GPHN: variants seen among roughly 807,000 people sequenced by gnomAD.
The protein encoded by GPHN is gephyrin.
In GPHN, 17 loss-of-function variants were observed where a neutral mutation model predicts 95.5. That is an observed-to-expected ratio of 0.18 (90% CI 0.12 to 0.27). The LOEUF (loss-of-function observed/expected upper bound fraction) is 0.27, where lower values mean the gene tolerates loss of function less well. GPHN is among the 10% of genes least tolerant of loss of function. The probability of loss-of-function intolerance (pLI) is 1.00; values close to 1 mark genes in which losing one functional copy is unlikely to be tolerated. For synonymous variants in GPHN, 320 were observed against 322.5 expected, an observed-to-expected ratio of 0.99 and a Z score of 0.08; for missense variants, 660 against 978.1, an observed-to-expected ratio of 0.67 and a Z score of 4.34.
At chr14:67,708,987 T>C in the GPHN span, among the ~76,000 whole-genome samples, 27 of 152,252 alleles carry the variant, frequency 1.8e-4, no homozygotes, top group African/African-American at 5.5e-4. Context: ...AAGATGGGGT[T>C]TCACCACGTT....
intron 5 of GPHN, among the ~76,000 whole-genome samples, chr14:66,882,830 G>A (rs1473581949): frequency 6.6e-6 from 1 of 150,534 alleles, no homozygotes; most frequent in African/African-American, 2.4e-5. Flanking sequence ...CAGAAATCTG[G>A]GTTGACTGTT....
chr14:66,877,012 C>T (rs1353463404), intron 4 of GPHN, among the ~76,000 whole-genome samples: 1 of 152,084 alleles, frequency 6.6e-6, no homozygotes, highest in Non-Finnish European at 1.5e-5. Context: ...AAACCAAATC[C>T]AGCAGCACAT....
At chr14:67,714,301 AT>A in the GPHN span, among the ~76,000 whole-genome samples, 6 of 150,108 alleles carry the variant, frequency 4.0e-5, no homozygotes, top group African/African-American at 1.5e-4. Flanking sequence ...TGGCCAGCTA[AT>A]TTTTTTTTCA....
intron 14 of GPHN, 30 bp downstream of exon 14, chr14:67,110,289 T>A: frequency 6.2e-7 from 1 of 1,611,554 alleles, no homozygotes; most frequent in Non-Finnish European, 8.5e-7. Context: ...TACTGTGCTG[T>A]TGTTCCTATG....
chr14:67,224,064 T>C, the GPHN span: 18 of 880,796 alleles, frequency 2.0e-5, no homozygotes, highest in African/African-American at 2.4e-4. Context: ...GCAATGCTAG[T>C]TAGGGACCAT....
intron 8 of GPHN, among the ~76,000 whole-genome samples, chr14:66,927,531 A>G (rs117358129): frequency 6.6e-6 from 1 of 152,132 alleles, no homozygotes; most frequent in Non-Finnish European, 1.5e-5. Flanking sequence ...TGCTGTTTAT[A>G]TCTTTCTGTT....
the GPHN span, among the ~76,000 whole-genome samples, chr14:67,290,640 T>C: frequency 6.6e-6 from 1 of 151,936 alleles, no homozygotes; most frequent in Non-Finnish European, 1.5e-5. Context: ...TCAAGCAATC[T>C]GTTCACCTCA....
At chr14:66,997,326 A>G (rs1048753539) in intron 9 of GPHN, among the ~76,000 whole-genome samples, 15 of 150,720 alleles carry the variant, frequency 1.0e-4, no homozygotes, top group Admixed American at 4.0e-4. Context: ...AAGATCGTGC[A>G]ATTGCACTCT....
chr14:67,243,585 C>T, the GPHN span, among the ~76,000 whole-genome samples: 2 of 150,128 alleles, frequency 1.3e-5, no homozygotes, highest in African/African-American at 2.5e-5. Flanking sequence ...CTCTGCCTCC[C>T]GGGTTCACGC....
intron 3 of GPHN, among the ~76,000 whole-genome samples, chr14:66,793,588 C>T (rs2060050239): frequency 6.6e-6 from 1 of 151,788 alleles, no homozygotes; most frequent in South Asian, 2.1e-4. Context: ...TGTGCATATA[C>T]ATATATATAT....
chr14:67,101,554 T>C (rs1043819273), intron 13 of GPHN, among the ~76,000 whole-genome samples: 2 of 151,484 alleles, frequency 1.3e-5, no homozygotes, highest in Admixed American at 1.3e-4. Context: ...GGTCTTCCTT[T>C]TAAATAAGTA....
intron 6 of GPHN, 111 bp downstream of exon 6, chr14:66,916,180 C>G: frequency 1.4e-6 from 1 of 728,396 alleles, no homozygotes; most frequent in Middle Eastern, 2.3e-4. Flanking sequence ...ACATCTGATA[C>G]CAATTGCAGG....
intron 17 of GPHN, among the ~76,000 whole-genome samples, chr14:67,123,113 T>C (rs985150267): frequency 6.6e-6 from 1 of 152,194 alleles, no homozygotes; most frequent in Admixed American, 6.5e-5. Context: ...AATACTCAAA[T>C]ATCAACCCAA....
intron 17 of GPHN, among the ~76,000 whole-genome samples, chr14:67,127,506 T>C (rs542253094): frequency 1.3e-5 from 2 of 152,316 alleles, no homozygotes; most frequent in South Asian, 4.1e-4. Flanking sequence ...GAAGTATTGA[T>C]TGTGTACCTG....
chr14:67,515,307 TC>T, the GPHN span: 1 of 153,446 alleles, frequency 6.5e-6, no homozygotes, highest in African/African-American at 2.4e-5. Context: ...CGCCTGGCAC[TC>T]CCGCGCCGCG....
intron 1 of GPHN, among the ~76,000 whole-genome samples, chr14:66,599,225 A>G (rs1330844584): frequency 6.6e-6 from 1 of 152,064 alleles, no homozygotes; most frequent in Non-Finnish European, 1.5e-5. Context: ...AGAGTAGGAA[A>G]CACGCATTTT....
intron 2 of GPHN, among the ~76,000 whole-genome samples, chr14:66,684,781 A>G (rs1344535385): frequency 1.3e-5 from 2 of 151,652 alleles, no homozygotes; most frequent in Non-Finnish European, 2.9e-5. Flanking sequence ...TTTAAGTTCT[A>G]GGGTGCATGT....
At chr14:66,944,863 C>T (rs1000946581) in intron 8 of GPHN, among the ~76,000 whole-genome samples, 1 of 152,232 alleles carries the variant, frequency 6.6e-6, no homozygotes, top group East Asian at 1.9e-4. Context: ...CCATTAGGCA[C>T]CCTTGGGCCA....
At chr14:66,533,089 A>T (rs1237776027) in intron 1 of GPHN, among the ~76,000 whole-genome samples, 1 of 152,202 alleles carries the variant, frequency 6.6e-6, no homozygotes, top group East Asian at 1.9e-4. Flanking sequence ...CTATTTGTTA[A>T]CAAGTTAATA....
Sources: gnomAD v4.1 joint callset for allele counts (sites outside exome capture counted in the v4.1 genomes callset) on GRCh38, gnomAD v4.1.1 for gene constraint, MANE v1.5 for transcripts, NCBI Gene and HGNC (gene_info 2026-07-23, HGNC 2026-07-21) for gene names.